The following NEDD4L variants were observed in gnomAD, a reference collection of about 807,000 sequenced individuals.
NEDD4L encodes the protein E3 ubiquitin-protein ligase NEDD4-like.
In NEDD4L, 54 loss-of-function variants were observed where a neutral mutation model predicts 148.9. That is an observed-to-expected ratio of 0.36 (90% CI 0.29 to 0.45). The LOEUF (loss-of-function observed/expected upper bound fraction) is 0.45. Among genes scored for constraint, NEDD4L ranks in the 20% least tolerant of loss-of-function variants. The pLI is 1.00. For synonymous variants in NEDD4L, 433 were observed against 440.7 expected (o/e 0.98, Z 0.22); for missense variants, 856 against 1,233.8 (o/e 0.69, Z 4.59).
At chr18:58,339,323 GGTTACAACTTA>G (rs1389455364) in intron 13 of NEDD4L, among the ~76,000 whole-genome samples, 1 of 152,206 alleles carries the variant, frequency 6.6e-6, no homozygotes, top group Non-Finnish European at 1.5e-5. Context: ...CAGGAACTTA[GGTTACAACTTA>G]GCTCAGCAGG....
intron 2 of NEDD4L, among the ~76,000 whole-genome samples, chr18:58,213,304 G>A (rs527670094): frequency 6.6e-5 from 10 of 152,274 alleles, no homozygotes; most frequent in African/African-American, 2.4e-4. Context: ...TACCATTATA[G>A]TGGCAAAATA....
At chr18:58,196,807 G>A (rs989014950) in intron 2 of NEDD4L, among the ~76,000 whole-genome samples, 1 of 148,052 alleles carries the variant, frequency 6.8e-6, no homozygotes, top group Non-Finnish European at 1.5e-5. Context: ...GTTAATGCTG[G>A]AATAGAAAAC....
chr18:58,290,445 A>G (rs926301053), intron 5 of NEDD4L, among the ~76,000 whole-genome samples: 1 of 152,102 alleles, frequency 6.6e-6, no homozygotes, highest in Non-Finnish European at 1.5e-5. Context: ...CTATTGGCAA[A>G]TGTGAAGCAG....
At chr18:58,348,490 G>A (rs1041137330) in intron 16 of NEDD4L, among the ~76,000 whole-genome samples, 15 of 151,154 alleles carry the variant, frequency 9.9e-5, no homozygotes, top group Non-Finnish European at 1.6e-4. Flanking sequence ...CACCACACCC[G>A]GGAAATTTTT....
intron 18 of NEDD4L, among the ~76,000 whole-genome samples, chr18:58,355,346 A>G (rs917516379): frequency 6.6e-5 from 10 of 152,192 alleles, no homozygotes; most frequent in African/African-American, 2.4e-4. Context: ...GCACATTGGA[A>G]TGTAAGGTCA....
At chr18:58,259,127 T>G (rs1185396756) in intron 5 of NEDD4L, among the ~76,000 whole-genome samples, 1 of 152,212 alleles carries the variant, frequency 6.6e-6, no homozygotes, top group East Asian at 1.9e-4. Flanking sequence ...ACTTTAGACC[T>G]TATTACAAGA....
rs1002290503 is a variant in NEDD4L at position 58,397,915 on chromosome 18, G to A, written c.*1646G>A. 6.6e-6 allele frequency: 1 copy of A among 152,460 alleles called. No individual in the cohort carries two copies. Among genetic ancestry groups the A allele is most frequent in the South Asian group, 2.1e-4 (1 of 4,822 alleles). 9.4% of individuals were successfully genotyped at this position (152,460 alleles called of 1,614,324 possible). A position where few individuals can be genotyped will look rare whatever the true frequency, so the allele number is the denominator to read the frequency against. On this transcript the variant is annotated 3_prime_UTR_variant, in exon 31 of 31. Transcript: ENST00000400345. ...CAATAGGACAAAAAAGTTGTGGTTTGGGGAGGTCTGTTTGTTACATAAAAA... is the reference window on the plus strand; with the variant it reads ...CAATAGGACAAAAAAGTTGTGGTTTAGGGAGGTCTGTTTGTTACATAAAAA...
intron 1 of NEDD4L, among the ~76,000 whole-genome samples, chr18:58,096,342 ATTTTATTTATTTTATTTTAT>A (rs1302665577): frequency 1.8e-4 from 25 of 141,900 alleles, no homozygotes; most frequent in Middle Eastern, 3.9e-3. Context: ...TGATTATTTT[ATTTTATTTATTTTATTTTAT>A]TTTATTTTAT....
intron 2 of NEDD4L, among the ~76,000 whole-genome samples, chr18:58,196,294 G>A (rs1235544316): frequency 6.6e-6 from 1 of 152,172 alleles, no homozygotes; most frequent in Non-Finnish European, 1.5e-5. Flanking sequence ...CTTCTCTATT[G>A]TTTTACATTC....
intron 1 of NEDD4L, among the ~76,000 whole-genome samples, chr18:58,070,478 C>T (rs1280900138): frequency 6.6e-6 from 1 of 151,846 alleles, no homozygotes; most frequent in Non-Finnish European, 1.5e-5. Context: ...CCTATGTTAC[C>T]CAGGCTCAAA....
chr18:58,286,407 GT>G (rs1404761100), intron 5 of NEDD4L, among the ~76,000 whole-genome samples: 2 of 152,138 alleles, frequency 1.3e-5, no homozygotes, highest in Admixed American at 1.3e-4. Flanking sequence ...TATATAAAGT[GT>G]TTTTAAAATA....
chr18:58,145,092 C>T (rs577966605), intron 1 of NEDD4L, among the ~76,000 whole-genome samples: 2 of 152,322 alleles, frequency 1.3e-5, no homozygotes, highest in East Asian at 3.9e-4. Context: ...GATACTACCT[C>T]TGCAGTGGGA....
At chr18:58,360,814 AT>A (rs976997279) in intron 19 of NEDD4L, among the ~76,000 whole-genome samples, 2 of 148,796 alleles carry the variant, frequency 1.3e-5, no homozygotes, top group African/African-American at 5.0e-5. Flanking sequence ...GAGCAAGCTC[AT>A]TTTTTTTTCC....
At chr18:58,258,395 A>G (rs903417477) in intron 5 of NEDD4L, among the ~76,000 whole-genome samples, 1 of 152,246 alleles carries the variant, frequency 6.6e-6, no homozygotes, top group African/African-American at 2.4e-5. Context: ...CTATTCAATT[A>G]TATTACCAAA....
intron 1 of NEDD4L, chr18:58,149,634 C>T (rs2034466991): frequency 6.5e-6 from 6 of 919,064 alleles, no homozygotes; most frequent in Non-Finnish European, 8.8e-6. Flanking sequence ...CTCTCCACAT[C>T]CACCCATAGT....
At chr18:58,123,980 C>G (rs1041488218) in intron 1 of NEDD4L, among the ~76,000 whole-genome samples, 1 of 152,188 alleles carries the variant, frequency 6.6e-6, no homozygotes, top group Admixed American at 6.5e-5. Context: ...AGCGTAAAAA[C>G]AGGCCTTATG....
At chr18:58,139,029 C>T (rs1178077334) in intron 1 of NEDD4L, among the ~76,000 whole-genome samples, 1 of 152,252 alleles carries the variant, frequency 6.6e-6, no homozygotes, top group East Asian at 1.9e-4. Context: ...AGGCCCATGC[C>T]TGGACATTCT....
Position 58,396,341 on chromosome 18 carries a change from T to A in NEDD4L, c.*72T>A. The stretch of plus-strand genomic sequence containing the variant: ...GCACTTTTGCATTTGCCTAACAGAC[T>A]TTTGCAGAGGCGATGGCAGAGAGCA... On this transcript the variant is annotated 3_prime_UTR_variant, in exon 31 of 31. Coordinates refer to ENST00000400345, the MANE Select transcript of NEDD4L (RefSeq NM_001144967.3). The A allele has an allele frequency of 9.6e-7, 1 of 1,042,030 alleles. No homozygotes were observed. Among genetic ancestry groups the A allele is most frequent in the Non-Finnish European group, 1.5e-6 (1 of 681,900 alleles). 64.5% of individuals were successfully genotyped at this position (1,042,030 alleles called of 1,614,324 possible).
At chr18:58,155,649 T>C (rs1462039325) in intron 1 of NEDD4L, among the ~76,000 whole-genome samples, 1 of 152,138 alleles carries the variant, frequency 6.6e-6, no homozygotes, top group Non-Finnish European at 1.5e-5. Flanking sequence ...GCCGGTGGCA[T>C]GTTTGTCTCC....
Sources: allele counts gnomAD v4.1 joint callset (sites outside exome capture counted in the v4.1 genomes callset), GRCh38; gene constraint gnomAD v4.1.1; transcripts MANE v1.5; gene names NCBI Gene and HGNC (gene_info 2026-07-23, HGNC 2026-07-21).